The following PRKG2 variants were observed in gnomAD, a reference collection of about 807,000 sequenced individuals.
PRKG2 encodes the protein protein kinase cGMP-dependent 2, also known as cGMP-dependent protein kinase 2.
In PRKG2, 33 loss-of-function variants were observed where a neutral mutation model predicts 97.2. That is an observed-to-expected ratio of 0.34 (90% confidence interval 0.26 to 0.45). PRKG2 has a LOEUF of 0.45. PRKG2 is among the 20% of genes least tolerant of loss of function. The pLI is 1.00. For missense variants in PRKG2, 638 were observed against 900.0 expected (o/e 0.71, Z 3.73); for synonymous variants, 330 against 321.8 (o/e 1.03, Z -0.27).
intron 6 of PRKG2, among the ~76,000 whole-genome samples, chr4:81,161,984 G>C (rs1436823147): frequency 6.6e-6 from 1 of 152,108 alleles, no homozygotes; most frequent in African/African-American, 2.4e-5. Flanking sequence ...GCCAATGAAA[G>C]GCAATGTTGC....
In PRKG2 at chr4:81,113,582, A is replaced by C. The variant is rs139754750; in HGVS notation, c.1777-2971T>G. ...TGATTGTATCATTCAGAAATAGAAAAATTTGCATTGTGGCTTGCTGGAGCT... is the reference window on the plus strand; with the variant it reads ...TGATTGTATCATTCAGAAATAGAAACATTTGCATTGTGGCTTGCTGGAGCT... On this transcript the variant is annotated intron_variant, in intron 14 of 18. Transcript: ENST00000264399. 8.7e-3 allele frequency among the ~76,000 whole-genome samples: 1,321 copies of C among 152,234 alleles called. 9 individuals are homozygous for C. The highest frequency in any genetic ancestry group is 0.014 in the Middle Eastern group (4 of 294).
intron 2 of PRKG2, among the ~76,000 whole-genome samples, 168 bp downstream of exon 2, chr4:81,204,419 G>T (rs989851427): frequency 6.6e-6 from 1 of 152,044 alleles, no homozygotes; most frequent in African/African-American, 2.4e-5. Context: ...TTAAACTTCT[G>T]CCCAATGGGA....
At chr4:81,117,904 T>C (rs1043654098) in intron 14 of PRKG2, among the ~76,000 whole-genome samples, 1 of 152,188 alleles carries the variant, frequency 6.6e-6, no homozygotes, top group Non-Finnish European at 1.5e-5. Context: ...TTTATGGATT[T>C]GGACACATGT....
intron 2 of PRKG2, 49 bp downstream of exon 2, chr4:81,204,538 T>G: frequency 6.7e-7 from 1 of 1,501,608 alleles, no homozygotes; most frequent in Middle Eastern, 1.8e-4. Context: ...ACTCTCATAT[T>G]TCACAATATT....
intron 6 of PRKG2, among the ~76,000 whole-genome samples, chr4:81,159,988 T>C (rs967061732): frequency 4.1e-5 from 6 of 146,312 alleles, no homozygotes; most frequent in Non-Finnish European, 7.5e-5. Context: ...AGGGAGAGCA[T>C]TGGGAGATAT....
intron 14 of PRKG2, 97 bp downstream of exon 14, chr4:81,135,058 A>G: frequency 3.3e-6 from 4 of 1,204,452 alleles, no homozygotes; most frequent in Non-Finnish European, 4.6e-6. Flanking sequence ...AGAGAATAAC[A>G]GCTGCACTAA....
At chr4:81,102,141 A>G (rs1447800882) in intron 17 of PRKG2, among the ~76,000 whole-genome samples, 3 of 152,210 alleles carry the variant, frequency 2.0e-5, no homozygotes, top group Non-Finnish European at 4.4e-5. Flanking sequence ...AATGTTGCCT[A>G]TTAAGAAGGA....
At chr4:81,181,837 T>A (rs148398532) in intron 2 of PRKG2, among the ~76,000 whole-genome samples, 35 of 151,912 alleles carry the variant, frequency 2.3e-4, no homozygotes, top group African/African-American at 8.2e-4. Context: ...TAAAATGACA[T>A]CATTTAAAAT....
intron 2 of PRKG2, among the ~76,000 whole-genome samples, chr4:81,194,523 C>CTT (rs1560620446): frequency 6.6e-6 from 1 of 152,082 alleles, no homozygotes; most frequent in Non-Finnish European, 1.5e-5. Flanking sequence ...AATTCTTTTA[C>CTT]TTATTGCCCA....
chr4:81,150,572 ACATAAATTCC>A (rs1375495300), intron 8 of PRKG2, among the ~76,000 whole-genome samples: 1 of 152,162 alleles, frequency 6.6e-6, no homozygotes, highest in Non-Finnish European at 1.5e-5. Context: ...TCTATCTTAA[ACATAAATTCC>A]CATGCTTTTT....
chr4:81,118,192 A>C (rs1337306295), intron 14 of PRKG2, among the ~76,000 whole-genome samples: 1 of 152,154 alleles, frequency 6.6e-6, no homozygotes, highest in Non-Finnish European at 1.5e-5. Context: ...TTTAGCACTG[A>C]AAAATACTCC....
At chr4:81,156,517 T>A (rs1420587442) in intron 6 of PRKG2, among the ~76,000 whole-genome samples, 1 of 151,988 alleles carries the variant, frequency 6.6e-6, no homozygotes, top group Non-Finnish European at 1.5e-5. Flanking sequence ...ATTAGACAGA[T>A]CAACGAGACA....
intron 2 of PRKG2, among the ~76,000 whole-genome samples, chr4:81,180,026 G>A (rs532442774): frequency 4.6e-5 from 7 of 152,042 alleles, no homozygotes; most frequent in East Asian, 1.9e-4. Context: ...CCAGCTACTC[G>A]GGAGGCTGAG....
intron 6 of PRKG2, among the ~76,000 whole-genome samples, chr4:81,159,965 G>C (rs1412574648): frequency 2.4e-5 from 3 of 123,822 alleles, no homozygotes; most frequent in African/African-American, 9.0e-5. Flanking sequence ...ATTGTGGGGT[G>C]GGGGGAGGGG....
At chr4:81,138,947 G>T (rs1454950493) in intron 12 of PRKG2, among the ~76,000 whole-genome samples, 1 of 152,184 alleles carries the variant, frequency 6.6e-6, no homozygotes. Flanking sequence ...TGGAAAGATG[G>T]ATAGGGAGAA....
At chr4:81,153,846 T>C (rs1748675828) in intron 6 of PRKG2, 125 bp from the exon 7 acceptor site, 5 of 670,562 alleles carry the variant, frequency 7.5e-6, no homozygotes, top group Non-Finnish European at 1.3e-5. Context: ...TGTATTTCCA[T>C]CTGAGGTACC....
chr4:81,105,870 A>AT lies in PRKG2; in HGVS notation c.2005dup (p.Met669AsnfsTer12), dbSNP rs1270226458. On this transcript the variant is annotated frameshift_variant, in exon 16 of 19. Transcript: ENST00000264399. LOFTEE classifies it high-confidence loss of function. ...TCGTGTTATCTTCCTGGGAAAATCC[A>AT]TTTTTTCAATTCCTTTGAGAATCAA... 6.2e-7 allele frequency: 1 copy of AT among 1,613,770 alleles called. No individual in the cohort carries two copies. The highest frequency in any genetic ancestry group is 1.1e-5 in the South Asian group (1 of 91,072).
intron 6 of PRKG2, among the ~76,000 whole-genome samples, chr4:81,158,901 A>T (rs985063667): frequency 2.0e-5 from 3 of 150,560 alleles, no homozygotes; most frequent in Non-Finnish European, 4.4e-5. Context: ...CCATATGTAG[A>T]AAGCTGAAAC....
intron 2 of PRKG2, among the ~76,000 whole-genome samples, chr4:81,189,403 C>A (rs1288364339): frequency 7.5e-6 from 1 of 133,616 alleles, no homozygotes; most frequent in Non-Finnish European, 1.5e-5. Flanking sequence ...AAATGTGGCA[C>A]ATATACACCA....
Sources: gnomAD v4.1 joint callset for allele counts (sites outside exome capture counted in the v4.1 genomes callset) on GRCh38, gnomAD v4.1.1 for gene constraint, MANE v1.5 for transcripts, NCBI Gene and HGNC (gene_info 2026-07-23, HGNC 2026-07-21) for gene names.